The following VTI1A variants were observed in gnomAD, a reference collection of about 807,000 sequenced individuals.
VTI1A encodes the protein vesicle transport through interaction with t-SNAREs 1A.
In VTI1A, 22 loss-of-function variants were observed where a neutral mutation model predicts 34.9. The observed-to-expected ratio is 0.63, with a 90% CI of 0.45 to 0.90. The LOEUF is 0.90. Among genes scored for constraint, VTI1A ranks in the 40% least tolerant of loss-of-function variants. The pLI is 0.00. For synonymous variants in VTI1A, 87 were observed against 97.3 expected, an observed-to-expected ratio of 0.89 and a Z score of 0.62; for missense variants, 268 against 275.6, an observed-to-expected ratio of 0.97 and a Z score of 0.20.
At chr10:112,832,733 G>T in the VTI1A span, among the ~76,000 whole-genome samples, 1 of 152,212 alleles carries the variant, frequency 6.6e-6, no homozygotes, top group African/African-American at 2.4e-5. Context: ...AGCCTGAAAT[G>T]ACTCATTCAG....
intron 7 of VTI1A, among the ~76,000 whole-genome samples, chr10:112,784,689 C>G (rs1286229564): frequency 6.6e-6 from 1 of 152,166 alleles, no homozygotes; most frequent in African/African-American, 2.4e-5. Flanking sequence ...TCATTCTTGT[C>G]TACAAACGGC....
intron 5 of VTI1A, among the ~76,000 whole-genome samples, chr10:112,541,518 C>T (rs1850869022): frequency 6.6e-6 from 1 of 152,034 alleles, no homozygotes; most frequent in South Asian, 2.1e-4. Context: ...AAGATTTCAA[C>T]AAAAATCTGT....
At chr10:112,851,711 G>C in the VTI1A span, among the ~76,000 whole-genome samples, 1 of 152,154 alleles carries the variant, frequency 6.6e-6, no homozygotes, top group Admixed American at 6.5e-5. Context: ...AGCCATACAG[G>C]GGCTTCTGAA....
chr10:112,654,472 T>G (rs1211266451), intron 5 of VTI1A, among the ~76,000 whole-genome samples: 2 of 152,078 alleles, frequency 1.3e-5, no homozygotes. Flanking sequence ...CCCACAGTCA[T>G]CCATTCTTTT....
At chr10:112,790,888 G>C (rs1011893859) in intron 7 of VTI1A, among the ~76,000 whole-genome samples, 2 of 151,870 alleles carry the variant, frequency 1.3e-5, no homozygotes, top group African/African-American at 4.8e-5. Flanking sequence ...TGTGTTTGTA[G>C]AAAGTGTTTA....
chr10:112,449,356 A>G (rs1847140261), intron 1 of VTI1A: 1 of 152,210 alleles, frequency 6.6e-6, no homozygotes, highest in African/African-American at 2.4e-5. Flanking sequence ...CAAAGTTGTA[A>G]ATTTCCAAGA....
Position 112,543,258 on chromosome 10 carries a change from C to T in VTI1A, c.427+4928C>T, listed in dbSNP as rs1211626654. On this transcript the variant is annotated intron_variant, in intron 5 of 7. Transcript: ENST00000393077. Reference sequence around the variant, plus strand: ...GATCCTTGAGGAATCGCCACACTGTCTTCCACAATGGTTGAACTAGTTTAC... The same window carrying T: ...GATCCTTGAGGAATCGCCACACTGTTTTCCACAATGGTTGAACTAGTTTAC... Among the ~76,000 whole-genome samples, 5 of 152,304 alleles carry T rather than the reference C, an allele frequency of 3.3e-5. No homozygotes were observed. In the East Asian group the frequency reaches 5.8e-4, roughly 18 times the overall value.
At chr10:112,494,597 C>A (rs1456024329) in intron 3 of VTI1A, among the ~76,000 whole-genome samples, 1 of 152,200 alleles carries the variant, frequency 6.6e-6, no homozygotes, top group Non-Finnish European at 1.5e-5. Context: ...CAACCTCCGC[C>A]TCCCAGGTTC....
intron 5 of VTI1A, among the ~76,000 whole-genome samples, chr10:112,653,180 G>C (rs926540068): frequency 1.3e-5 from 2 of 152,168 alleles, no homozygotes; most frequent in African/African-American, 4.8e-5. Context: ...AAATGGAGAG[G>C]ATATTTTCTG....
chr10:112,727,944 A>T (rs1318562168), intron 7 of VTI1A, among the ~76,000 whole-genome samples: 1 of 152,120 alleles, frequency 6.6e-6, no homozygotes, highest in Non-Finnish European at 1.5e-5. Flanking sequence ...GGACCGACCA[A>T]CTTAAGGAGG....
intron 3 of VTI1A, among the ~76,000 whole-genome samples, chr10:112,500,397 G>A (rs1007506734): frequency 6.6e-6 from 1 of 151,292 alleles, no homozygotes; most frequent in East Asian, 1.9e-4. Flanking sequence ...ATCGCACCAC[G>A]GCACTCACTC....
chr10:112,456,537 G>A (rs1301711539), intron 1 of VTI1A, among the ~76,000 whole-genome samples: 2 of 152,002 alleles, frequency 1.3e-5, no homozygotes, highest in Non-Finnish European at 2.9e-5. Flanking sequence ...TATGTCTCAG[G>A]ACCTCGCCTA....
At chr10:112,490,481 A>G (rs1169697415) in intron 3 of VTI1A, among the ~76,000 whole-genome samples, 1 of 152,172 alleles carries the variant, frequency 6.6e-6, no homozygotes, top group African/African-American at 2.4e-5. Context: ...TAATGACCCA[A>G]ATCCAGCTTG....
At chr10:112,513,569 T>C (rs977634630) in intron 3 of VTI1A, among the ~76,000 whole-genome samples, 31 of 152,068 alleles carry the variant, frequency 2.0e-4, no homozygotes, top group African/African-American at 7.5e-4. Flanking sequence ...ACTTAAGTAC[T>C]ATGTTGAAAA....
chr10:112,477,702 G>C (rs1158593653), intron 3 of VTI1A, among the ~76,000 whole-genome samples: 3 of 152,164 alleles, frequency 2.0e-5, no homozygotes, highest in African/African-American at 7.2e-5. Context: ...GAAATCAAAT[G>C]AGTTCCTTAA....
intron 5 of VTI1A, among the ~76,000 whole-genome samples, chr10:112,603,628 C>T (rs546903173): frequency 6.6e-6 from 1 of 152,142 alleles, no homozygotes; most frequent in East Asian, 1.9e-4. Flanking sequence ...AAAATATATC[C>T]TAGGAATTTC....
chr10:112,680,033 G>C (rs538683845), intron 7 of VTI1A, among the ~76,000 whole-genome samples: 23 of 152,278 alleles, frequency 1.5e-4, no homozygotes, highest in Admixed American at 1.0e-3. Context: ...CCAAAAAAAA[G>C]TTGAGAAAAT....
At chr10:112,636,218 A>C (rs529737062) in intron 5 of VTI1A, among the ~76,000 whole-genome samples, 8 of 152,348 alleles carry the variant, frequency 5.3e-5, no homozygotes, top group African/African-American at 1.7e-4. Flanking sequence ...TTGCCATCCC[A>C]TAAATCTTTA....
At chr10:112,849,707 AT>A in the VTI1A span, among the ~76,000 whole-genome samples, 1 of 152,210 alleles carries the variant, frequency 6.6e-6, no homozygotes, top group Non-Finnish European at 1.5e-5. Context: ...TTTGACTGAT[AT>A]TCTGTCAAAT....
Sources: gnomAD v4.1 joint callset for allele counts (sites outside exome capture counted in the v4.1 genomes callset) on GRCh38, gnomAD v4.1.1 for gene constraint, MANE v1.5 for transcripts, NCBI Gene and HGNC (gene_info 2026-07-23, HGNC 2026-07-21) for gene names.